TAF15: variants seen among roughly 807,000 people sequenced by gnomAD.
TAF15 encodes TATA-binding protein-associated factor 2N.
TAF15 carries 37 observed loss-of-function variants against 102.5 expected under a neutral mutation model. That is an observed-to-expected ratio of 0.36 (90% CI 0.28 to 0.47). The LOEUF is 0.47. TAF15 is among the 20% of genes least tolerant of loss of function. The pLI, the probability that TAF15 is intolerant of heterozygous loss-of-function variation, is 0.99. For missense variants in TAF15, 652 were observed against 760.7 expected, an observed-to-expected ratio of 0.86 and a Z score of 1.68; for synonymous variants, 273 against 259.2, an observed-to-expected ratio of 1.05 and a Z score of -0.51.
chr17:35,827,958 A>G (rs932535693), intron 7 of TAF15, among the ~76,000 whole-genome samples: 3 of 152,224 alleles, frequency 2.0e-5, no homozygotes, highest in Admixed American at 6.5e-5. Flanking sequence ...CTGTCATCTA[A>G]AATTGACATG....
chr17:35,843,959 T>A (rs2087578075), intron 12 of TAF15, 118 bp from the exon 13 acceptor site: 1 of 914,034 alleles, frequency 1.1e-6, no homozygotes, highest in East Asian at 2.4e-5. Context: ...TATAAGGGGT[T>A]AATTTGCAGA....
At chr17:35,823,012 G>GA (rs1197251883) in intron 6 of TAF15, among the ~76,000 whole-genome samples, 179 bp downstream of exon 6, 17 of 152,194 alleles carry the variant, frequency 1.1e-4, no homozygotes, top group Admixed American at 9.2e-4. Flanking sequence ...TCTGAACTTG[G>GA]AGGCCCTCAG....
At chr17:35,814,305 A>G (rs2087166288) in intron 1 of TAF15, among the ~76,000 whole-genome samples, 1 of 152,002 alleles carries the variant, frequency 6.6e-6, no homozygotes, top group East Asian at 1.9e-4. Flanking sequence ...AACTGGGACT[A>G]CAGGTGCCCA....
chr17:35,821,671 C>T (rs2087259483), intron 5 of TAF15, among the ~76,000 whole-genome samples: 2 of 152,066 alleles, frequency 1.3e-5, no homozygotes, highest in African/African-American at 4.8e-5. Flanking sequence ...AACATTCCCA[C>T]CCTGAGAGCA....
rs533058888 is a variant in TAF15, at chr17:35,834,740, C to CTTTTTTTTTTTTTTTTTTTTT, written c.673+144_673+164dup. 2.9e-4 allele frequency: 68 copies of CTTTTTTTTTTTTTTTTTTTTT among 236,406 alleles called. 11 individuals are homozygous for CTTTTTTTTTTTTTTTTTTTTT. Among genetic ancestry groups the CTTTTTTTTTTTTTTTTTTTTT allele is most frequent in the African/African-American group, 2.0e-3 (39 of 19,376 alleles). The allele number at this position is 236,406 out of a possible 1,614,324, so 14.6% of individuals were successfully genotyped here. ...CTGCCAGAACTGGGGAGCTTTATTTCTTTTTTTTTTTTTTTTTTTTTTGAG... is the reference window on the plus strand; with the variant it reads ...CTGCCAGAACTGGGGAGCTTTATTTCTTTTTTTTTTTTTTTTTTTTTTTTTTTTTTTTTTTTTTTTTTTGAG... On this transcript the variant is annotated intron_variant, in intron 9 of 15. Transcript: ENST00000605844.
intron 1 of TAF15, among the ~76,000 whole-genome samples, chr17:35,813,994 TG>T (rs748709783): frequency 0.065 from 8,834 of 136,958 alleles, 317 homozygotes; most frequent in South Asian, 0.18. Flanking sequence ...CTGTTTTTTT[TG>T]TTGTTGTTGT....
rs202180032 is a variant in TAF15, at chr17:35,844,353, C to G, written c.1162C>G (p.Arg388Gly). The G allele has an allele frequency of 1.2e-6, 2 of 1,614,176 alleles. No homozygotes were observed. Among genetic ancestry groups the G allele is most frequent in the Middle Eastern group, 1.6e-4 (1 of 6,062 alleles). ...CAATGAGCCTAGACCAGAGGACTCT[C>G]GTCCCTCAGGAGGAGGTGGGTCAGC... is the stretch of plus-strand genomic sequence containing the variant. ...QCNEPRPEDS[R>G]PSGGDFRGRG... is the part of the protein sequence containing the mutation. The change falls in exon 14 of 16, where the codon CGT becomes GGT. Residue 388 changes from arginine (R) to glycine (G), a missense_variant. By Grantham distance (125) the Arg-to-Gly change is moderately radical. Around this residue, in one of 3 missense-constraint regions of TAF15, gnomAD observed 368 missense variants for 367.5 expected, o/e 1.00. Coordinates refer to ENST00000605844, the MANE Select transcript of TAF15 (RefSeq NM_139215.3).
chr17:35,824,566 A>G (rs1197527591), intron 7 of TAF15, among the ~76,000 whole-genome samples: 1 of 152,202 alleles, frequency 6.6e-6, no homozygotes, highest in African/African-American at 2.4e-5. Flanking sequence ...AGTTAATTCT[A>G]GATTGAGGGG....
chr17:35,836,831 G>T (rs958570662), intron 10 of TAF15, among the ~76,000 whole-genome samples: 1 of 151,302 alleles, frequency 6.6e-6, no homozygotes, highest in Non-Finnish European at 1.5e-5. Context: ...AGGCTGGAGT[G>T]CAGTGGCGCG....
At chr17:35,843,411 A>G (rs1174113384) in intron 12 of TAF15, among the ~76,000 whole-genome samples, 1 of 152,228 alleles carries the variant, frequency 6.6e-6, no homozygotes, top group East Asian at 1.9e-4. Context: ...GGTGTGAGCC[A>G]CTGCACCCAG....
chr17:35,821,593 C>T (rs1046282825), intron 5 of TAF15, among the ~76,000 whole-genome samples: 1 of 147,608 alleles, frequency 6.8e-6, no homozygotes, highest in Non-Finnish European at 1.5e-5. Flanking sequence ...TCTTTTTTGT[C>T]CCCCCCCAGC....
Position 35,824,191 on chromosome 17 carries a change from G to A in TAF15, c.598G>A (p.Gly200Arg), listed in dbSNP as rs2087298266. 1.2e-6 allele frequency: 2 copies of A among 1,613,652 alleles called. No homozygotes were observed. The highest frequency in any genetic ancestry group is 8.5e-7 in the Non-Finnish European group (1 of 1,179,986). The change falls in exon 7 of 16, where the codon GGA becomes AGA. Residue 200 changes from glycine to arginine, a missense_variant. Gly to Arg is a moderately radical substitution (Grantham distance 125). This residue lies in a region of TAF15 where 243 missense variants were observed against 284.1 expected (regional missense o/e 0.86). Coordinates refer to ENST00000605844, the MANE Select transcript of TAF15 (RefSeq NM_139215.3). ...YDKDGRGPMT[G>R]SSGGDRGGFK... is the part of the protein sequence containing the mutation. ...CAAGGATGGAAGAGGTCCTATGACA[G>A]GATCAAGGTAAGTATGTAGATAAAG...
intron 7 of TAF15, among the ~76,000 whole-genome samples, chr17:35,829,790 G>A (rs745755321): frequency 6.6e-6 from 1 of 152,042 alleles, no homozygotes; most frequent in Non-Finnish European, 1.5e-5. Context: ...GTATGCCTTC[G>A]TGTGGGCTGC....
intron 7 of TAF15, chr17:35,833,577 T>C (rs1814327277): frequency 4.6e-6 from 1 of 216,488 alleles, no homozygotes; most frequent in Non-Finnish European, 9.2e-6. Context: ...AAAAAATACT[T>C]ACTCTAGTTT....
chr17:35,832,653 C>G (rs4796114), intron 7 of TAF15, among the ~76,000 whole-genome samples: 14,373 of 151,878 alleles, frequency 0.095, 877 homozygotes, highest in East Asian at 0.22. Context: ...AGAATAAGAT[C>G]ATTAGTAGTA....
chr17:35,840,926 G>A (rs189343146), intron 11 of TAF15, among the ~76,000 whole-genome samples: 3 of 152,096 alleles, frequency 2.0e-5, no homozygotes, highest in African/African-American at 7.2e-5. Flanking sequence ...TACTTTTTTA[G>A]ACTAATTTGT....
chr17:35,819,510 C>T (rs1033477005), intron 2 of TAF15, among the ~76,000 whole-genome samples: 1 of 152,154 alleles, frequency 6.6e-6, no homozygotes, highest in African/African-American at 2.4e-5. Flanking sequence ...AAACATGCCT[C>T]TAATTATTGA....
At chr17:35,821,663 C>G (rs1186176151) in intron 5 of TAF15, among the ~76,000 whole-genome samples, 1 of 152,060 alleles carries the variant, frequency 6.6e-6, no homozygotes, top group African/African-American at 2.4e-5. Flanking sequence ...TGCCTTTTAA[C>G]ATTCCCACCC....
At chr17:35,816,381 T>C (rs2087195112) in intron 1 of TAF15, among the ~76,000 whole-genome samples, 1 of 152,170 alleles carries the variant, frequency 6.6e-6, no homozygotes, top group Non-Finnish European at 1.5e-5. Context: ...ACACCTGTAG[T>C]CCCAGCTACG....
Sources: allele counts gnomAD v4.1 joint callset (sites outside exome capture counted in the v4.1 genomes callset), GRCh38; gene constraint gnomAD v4.1.1; regional missense constraint gnomAD v4.1.1; transcripts MANE v1.5; gene names NCBI Gene and HGNC (gene_info 2026-07-23, HGNC 2026-07-21).